Variants in FGGY observed in about 807,000 individuals in gnomAD.
The protein encoded by FGGY is FGGY carbohydrate kinase domain-containing protein.
A neutral mutation model predicts 71.3 loss-of-function variants in FGGY; 72 were observed. That is an observed-to-expected ratio of 1.01 (90% CI 0.84 to 1.23). FGGY has a LOEUF of 1.23. FGGY is among the 50% of genes most tolerant of loss of function. The pLI is 0.00. For missense variants in FGGY, 668 were observed against 682.3 expected, an observed-to-expected ratio of 0.98 and a Z score of 0.23; for synonymous variants, 251 against 250.3, an observed-to-expected ratio of 1.00 and a Z score of -0.02.
At chr1:59,506,329 A>G (rs910462340) in intron 6 of FGGY, among the ~76,000 whole-genome samples, 13 of 128,596 alleles carry the variant, frequency 1.0e-4, no homozygotes, top group African/African-American at 4.5e-4. Context: ...ACATTTTTAT[A>G]TCCTTTTCTT....
At chr1:59,635,168 G>T (rs2096944694) in intron 10 of FGGY, among the ~76,000 whole-genome samples, 1 of 152,234 alleles carries the variant, frequency 6.6e-6, no homozygotes, top group Non-Finnish European at 1.5e-5. Flanking sequence ...GAATAATGAT[G>T]TGTATTAGTT....
At chr1:59,468,875 A>G (rs1406677873) in intron 6 of FGGY, among the ~76,000 whole-genome samples, 1 of 128,468 alleles carries the variant, frequency 7.8e-6, no homozygotes, top group South Asian at 2.2e-4. Flanking sequence ...CTGTCTTTAA[A>G]AAAAAAAAAA....
At chr1:59,601,107 T>G (rs957374991) in intron 8 of FGGY, among the ~76,000 whole-genome samples, 11 of 150,232 alleles carry the variant, frequency 7.3e-5, no homozygotes, top group Middle Eastern at 3.2e-3. Flanking sequence ...ACCATGGAAA[T>G]ACCCGGTCCC....
intron 6 of FGGY, among the ~76,000 whole-genome samples, chr1:59,484,069 C>G (rs1340854410): frequency 6.6e-6 from 1 of 152,112 alleles, no homozygotes; most frequent in Non-Finnish European, 1.5e-5. Context: ...CAATGAGGTA[C>G]AGGTACCATT....
At chr1:59,735,068 T>C (rs2098088255) in intron 14 of FGGY, among the ~76,000 whole-genome samples, 1 of 152,128 alleles carries the variant, frequency 6.6e-6, no homozygotes, top group Non-Finnish European at 1.5e-5. Context: ...TGAATTTCAC[T>C]CTCCAAGGCA....
At chr1:59,750,787 A>G (rs1326146819) in intron 14 of FGGY, among the ~76,000 whole-genome samples, 2 of 152,130 alleles carry the variant, frequency 1.3e-5, no homozygotes, top group Non-Finnish European at 2.9e-5. Context: ...CTGTTTTTCT[A>G]TGGAGGGGTC....
At chr1:59,660,378 C>CT (rs2097263505) in intron 12 of FGGY, 85 bp downstream of exon 12, 1 of 922,298 alleles carries the variant, frequency 1.1e-6, no homozygotes, top group African/African-American at 1.7e-5. Context: ...ACAGCACATG[C>CT]TTTTGTGACA....
intron 4 of FGGY, among the ~76,000 whole-genome samples, chr1:59,369,992 T>G (rs2057312583): frequency 6.6e-6 from 1 of 152,042 alleles, no homozygotes; most frequent in Non-Finnish European, 1.5e-5. Flanking sequence ...CTGGAAACTC[T>G]AAAAAGCAGA....
chr1:59,435,780 G>A (rs2068326923), intron 5 of FGGY, among the ~76,000 whole-genome samples: 1 of 142,956 alleles, frequency 7.0e-6, no homozygotes, highest in Admixed American at 6.9e-5. Flanking sequence ...GTGTGTGTGT[G>A]TGTGTGTATT....
At chr1:59,453,855 C>G (rs2091429549) in intron 5 of FGGY, among the ~76,000 whole-genome samples, 1 of 152,050 alleles carries the variant, frequency 6.6e-6, no homozygotes, top group South Asian at 2.1e-4. Context: ...GGAAAGGAAG[C>G]CCTGCCTACA....
At chr1:59,452,572 A>G (rs1222488636) in intron 5 of FGGY, among the ~76,000 whole-genome samples, 1 of 151,830 alleles carries the variant, frequency 6.6e-6, no homozygotes, top group Non-Finnish European at 1.5e-5. Context: ...CAGGTGAACT[A>G]CTCCCATTAA....
rs1040607978 is a variant in FGGY at position 59,554,675 on chromosome 1, G to A, written c.903+448G>A. ...CTGATGATCTATAGAATTAGCCTGC[G>A]TATCATGACTTCAAAAGAACACTGA... is the stretch of plus-strand genomic sequence containing the variant. On this transcript the variant is annotated intron_variant, in intron 8 of 15. Transcript: ENST00000303721. 2.2e-4 allele frequency among the ~76,000 whole-genome samples: 34 copies of A among 152,078 alleles called. 1 individual carries two copies. Among genetic ancestry groups the A allele is most frequent in the Non-Finnish European group, 4.4e-5 (3 of 68,020 alleles).
chr1:59,414,701 A>G (rs1240970123), intron 5 of FGGY, among the ~76,000 whole-genome samples: 1 of 152,214 alleles, frequency 6.6e-6, no homozygotes, highest in Non-Finnish European at 1.5e-5. Context: ...CCTAAGGAAC[A>G]AGGAGAGGGG....
In FGGY at chr1:59,719,091, A is replaced by G. The variant is rs761573421; in HGVS notation, c.1513-38840A>G. Among the ~76,000 whole-genome samples the G allele has an allele frequency of 3.9e-4, 60 of 152,264 alleles. 1 individual carries two copies. The highest frequency in any genetic ancestry group is 3.4e-3 in the Middle Eastern group (1 of 294). ...CCCACTAGACTTTGAAAGGGACTGG[A>G]CAGTGTGTTCAGCCACCTTCTCAAG... On this transcript the variant is annotated intron_variant, in intron 14 of 15. Coordinates refer to ENST00000303721, the MANE Select transcript of FGGY (RefSeq NM_018291.5).
chr1:59,608,044 C>T (rs2096640583), intron 9 of FGGY, 134 bp downstream of exon 9: 1 of 648,640 alleles, frequency 1.5e-6, no homozygotes, highest in Non-Finnish European at 2.7e-6. Flanking sequence ...TCTCTTAGTG[C>T]ACAGCCTAAC....
At chr1:59,562,763 C>T (rs1236906962) in intron 8 of FGGY, among the ~76,000 whole-genome samples, 5 of 152,058 alleles carry the variant, frequency 3.3e-5, no homozygotes, top group African/African-American at 1.2e-4. Flanking sequence ...CAACAAGGGC[C>T]AGGAAAGTAG....
At chr1:59,744,307 G>A (rs1487382328) in intron 14 of FGGY, among the ~76,000 whole-genome samples, 4 of 152,130 alleles carry the variant, frequency 2.6e-5, no homozygotes, top group East Asian at 3.9e-4. Context: ...TGCAACCTCC[G>A]CCTTCTGGAT....
intron 1 of FGGY, among the ~76,000 whole-genome samples, chr1:59,311,938 C>T (rs1476618102): frequency 1.3e-5 from 2 of 152,168 alleles, no homozygotes; most frequent in Non-Finnish European, 2.9e-5. Context: ...TTAATAATCG[C>T]CATTCTGACT....
intron 6 of FGGY, among the ~76,000 whole-genome samples, chr1:59,510,952 A>G (rs1220701803): frequency 6.6e-6 from 1 of 152,212 alleles, no homozygotes; most frequent in Non-Finnish European, 1.5e-5. Flanking sequence ...TTTAAGTTGA[A>G]GTTAAAACTA....
Sources: allele counts gnomAD v4.1 joint callset (sites outside exome capture counted in the v4.1 genomes callset), GRCh38; gene constraint gnomAD v4.1.1; transcripts MANE v1.5; gene names NCBI Gene and HGNC (gene_info 2026-07-23, HGNC 2026-07-21).